GULP1: variants seen among roughly 807,000 people sequenced by gnomAD.
GULP1 encodes the protein PTB domain-containing engulfment adapter protein 1.
In GULP1, 19 loss-of-function variants were observed where a neutral mutation model predicts 40.9. The observed-to-expected ratio is 0.46, with a 90% CI of 0.32 to 0.68. The LOEUF (loss-of-function observed/expected upper bound fraction) is 0.68, where lower values mean the gene tolerates loss of function less well. GULP1 is among the 30% of genes least tolerant of loss of function. The pLI is 0.03. For synonymous variants in GULP1, 119 were observed against 117.6 expected (o/e 1.01, Z -0.08); for missense variants, 312 against 362.2 (o/e 0.86, Z 1.12).
chr2:188,478,749 A>G (rs80227935), intron 3 of GULP1, among the ~76,000 whole-genome samples: 1 of 152,146 alleles, frequency 6.6e-6, no homozygotes, highest in Admixed American at 6.6e-5. Context: ...GCTGAAGAAT[A>G]AAGTCAACAG....
At chr2:188,416,998 C>T (rs2054669376) in intron 2 of GULP1, among the ~76,000 whole-genome samples, 1 of 152,132 alleles carries the variant, frequency 6.6e-6, no homozygotes, top group Non-Finnish European at 1.5e-5. Context: ...TACTCTTTGT[C>T]TACATCAGGA....
intron 4 of GULP1, among the ~76,000 whole-genome samples, chr2:188,505,393 C>T (rs189700788): frequency 3.9e-4 from 59 of 151,824 alleles, no homozygotes; most frequent in African/African-American, 9.6e-4. Context: ...TCTACAATCC[C>T]GAGTCATTCC....
At chr2:188,353,916 A>G (rs1440017055) in intron 1 of GULP1, among the ~76,000 whole-genome samples, 3 of 151,962 alleles carry the variant, frequency 2.0e-5, no homozygotes, top group Non-Finnish European at 2.9e-5. Flanking sequence ...GCAGCTGTAC[A>G]TCCCAGGGCA....
intron 3 of GULP1, among the ~76,000 whole-genome samples, chr2:188,480,116 C>T (rs773442224): frequency 8.6e-5 from 13 of 152,000 alleles, no homozygotes; most frequent in Non-Finnish European, 1.5e-4. Context: ...TAAGAGCCCC[C>T]GCTCCTGGTT....
Position 188,357,250 on chromosome 2 carries a change from C to A in GULP1, c.-171-26513C>A, listed in dbSNP as rs933049804. ...AAGGCTTATGTACAGCAAAGGAAAC[C>A]ATCAACAAAGTTAAAAGACAACTTA... On this transcript the variant is annotated intron_variant, in intron 1 of 11. Coordinates refer to ENST00000409830, the MANE Select transcript of GULP1 (RefSeq NM_016315.4). 3.9e-5 allele frequency among the ~76,000 whole-genome samples: 6 copies of A among 152,086 alleles called. No individual in the cohort carries two copies. In the East Asian group the frequency reaches 7.7e-4, roughly 20 times the overall value.
At chr2:188,403,239 G>A (rs1469551580) in intron 2 of GULP1, among the ~76,000 whole-genome samples, 5 of 151,426 alleles carry the variant, frequency 3.3e-5, no homozygotes, top group South Asian at 2.1e-4. Context: ...CCTAATACTC[G>A]TTTTATAGTT....
intron 9 of GULP1, among the ~76,000 whole-genome samples, chr2:188,572,350 C>T (rs902193194): frequency 6.6e-6 from 1 of 152,118 alleles, no homozygotes; most frequent in African/African-American, 2.4e-5. Flanking sequence ...AATTAGCACT[C>T]CTGAGGTTAC....
intron 2 of GULP1, among the ~76,000 whole-genome samples, chr2:188,432,910 T>C (rs2057029419): frequency 6.6e-6 from 1 of 151,934 alleles, no homozygotes; most frequent in African/African-American, 2.4e-5. Context: ...AACACAAAGA[T>C]CATATTGCTT....
intron 1 of GULP1, among the ~76,000 whole-genome samples, chr2:188,317,580 A>G (rs10931347): frequency 0.75 from 114,323 of 152,004 alleles, 43,439 homozygotes; most frequent in East Asian, 0.95. Flanking sequence ...ATGTTTATGT[A>G]TTGAAAAGGC....
intron 2 of GULP1, among the ~76,000 whole-genome samples, chr2:188,449,119 G>A (rs1345921749): frequency 1.3e-5 from 2 of 152,210 alleles, no homozygotes; most frequent in African/African-American, 4.8e-5. Flanking sequence ...TCTTGGCACA[G>A]AATAGGCACA....
At chr2:188,529,482 T>C (rs80272190) in intron 6 of GULP1, among the ~76,000 whole-genome samples, 3,664 of 152,262 alleles carry the variant, frequency 0.024, 91 homozygotes, top group African/African-American at 0.05. Flanking sequence ...GTGAAAGAGA[T>C]GCATACAGTG....
At chr2:188,387,251 G>A (rs1472903514) in intron 2 of GULP1, among the ~76,000 whole-genome samples, 1 of 151,504 alleles carries the variant, frequency 6.6e-6, no homozygotes. Flanking sequence ...AAAAAATAAA[G>A]AAAAGTGTAT....
chr2:188,367,927 G>C (rs2047014824), intron 1 of GULP1, among the ~76,000 whole-genome samples: 4 of 152,108 alleles, frequency 2.6e-5, no homozygotes, highest in Admixed American at 2.0e-4. Context: ...TAAGGACATG[G>C]TGATGCTCTG....
intron 2 of GULP1, among the ~76,000 whole-genome samples, chr2:188,458,788 T>C (rs2059475730): frequency 6.6e-6 from 1 of 152,146 alleles, no homozygotes; most frequent in South Asian, 2.1e-4. Flanking sequence ...ATTCTAATTT[T>C]TTTTTGTACC....
intron 1 of GULP1, among the ~76,000 whole-genome samples, chr2:188,354,394 A>T (rs1274277577): frequency 1.3e-5 from 2 of 152,158 alleles, no homozygotes; most frequent in Non-Finnish European, 2.9e-5. Context: ...ACTAGAACAG[A>T]GTCTCAGCTA....
chr2:188,299,774 A>G (rs1282119825), intron 1 of GULP1, among the ~76,000 whole-genome samples: 3 of 152,178 alleles, frequency 2.0e-5, no homozygotes, highest in African/African-American at 7.2e-5. Flanking sequence ...GTGTGAAGGG[A>G]AGCAGTGTAT....
intron 9 of GULP1, among the ~76,000 whole-genome samples, chr2:188,574,889 G>A (rs1385498738): frequency 6.6e-6 from 1 of 152,014 alleles, no homozygotes; most frequent in Non-Finnish European, 1.5e-5. Flanking sequence ...GATCTACATG[G>A]ACACCTTTGT....
intron 2 of GULP1, among the ~76,000 whole-genome samples, chr2:188,467,295 A>G (rs377319930): frequency 1.7e-3 from 261 of 152,274 alleles, no homozygotes; most frequent in African/African-American, 6.1e-3. Flanking sequence ...GAAGTGTTGC[A>G]TATTTTCTCT....
At chr2:188,432,377 A>G (rs2056966431) in intron 2 of GULP1, among the ~76,000 whole-genome samples, 1 of 151,828 alleles carries the variant, frequency 6.6e-6, no homozygotes, top group South Asian at 2.1e-4. Flanking sequence ...GAAATTATTT[A>G]AAGTTATTTT....
Sources: gnomAD v4.1 joint callset for allele counts (sites outside exome capture counted in the v4.1 genomes callset) on GRCh38, gnomAD v4.1.1 for gene constraint, MANE v1.5 for transcripts, NCBI Gene and HGNC (gene_info 2026-07-23, HGNC 2026-07-21) for gene names.